The following ESR1 variants were observed in gnomAD, a reference collection of about 807,000 sequenced individuals.
ESR1 encodes estrogen receptor.
A neutral mutation model predicts 52.7 loss-of-function variants in ESR1; 12 were observed. That is an observed-to-expected ratio of 0.23 (90% CI 0.15 to 0.37). The LOEUF is 0.37. Ranked by LOEUF, ESR1 falls within the 10% of genes least tolerant of loss-of-function variation. The probability of loss-of-function intolerance (pLI) is 1.00; values close to 1 mark genes in which losing one functional copy is unlikely to be tolerated. For missense variants in ESR1, 584 were observed against 779.7 expected, an observed-to-expected ratio of 0.75 and a Z score of 2.99; for synonymous variants, 305 against 316.8, an observed-to-expected ratio of 0.96 and a Z score of 0.39.
chr6:152,094,866 G>C lies in ESR1; in HGVS notation c.1553+298G>C, dbSNP rs1444202635. Among the ~76,000 whole-genome samples, 1 of 152,102 alleles carries C rather than the reference G, an allele frequency of 6.6e-6. No homozygotes were observed. Among genetic ancestry groups the C allele is most frequent in the Admixed American group, 6.5e-5 (1 of 15,274 alleles). On this transcript the variant is annotated intron_variant, in intron 7 of 7. Transcript: ENST00000206249. This position sits in a 1 kb window ranked among gnomAD's most constrained non-coding sequence, Gnocchi z 4.6. ...GGTGCAGTGTGCAAATAGGAGGAGG[G>C]GGCCAATCAAGAGAAGTCAGTGAAT... is the stretch of plus-strand genomic sequence containing the variant.
chr6:151,889,142 C>T (rs560633371), intron 3 of ESR1, among the ~76,000 whole-genome samples: 10 of 151,940 alleles, frequency 6.6e-5, no homozygotes, highest in Non-Finnish European at 1.3e-4. Context: ...CTTGTAATAC[C>T]CTTGTCTGGC....
exon 7 of ESR1, chr6:152,125,343 G>A: frequency 6.5e-7 from 1 of 1,550,222 alleles, no homozygotes; most frequent in Non-Finnish European, 8.7e-7. Flanking sequence ...GTTTCCTCGT[G>A]TCTAAAGCCT....
At chr6:151,663,911 T>A (rs1283930903) in intron 1 of ESR1, among the ~76,000 whole-genome samples, 1 of 152,224 alleles carries the variant, frequency 6.6e-6, no homozygotes, top group Non-Finnish European at 1.5e-5. Context: ...CATTTTCCTA[T>A]TGAAGTGCTA....
chr6:151,686,510 C>T (rs1407413309), upstream of ESR1, among the ~76,000 whole-genome samples: 2 of 152,132 alleles, frequency 1.3e-5, no homozygotes, highest in South Asian at 2.1e-4. Context: ...ATGGTGAAAC[C>T]CCGTCTCTAC....
chr6:151,928,979 G>T (rs769294162), intron 3 of ESR1, among the ~76,000 whole-genome samples: 9 of 151,998 alleles, frequency 5.9e-5, no homozygotes, highest in Non-Finnish European at 1.0e-4. Context: ...CCCAGAATGT[G>T]GTCTATCTTG....
upstream of ESR1, among the ~76,000 whole-genome samples, chr6:151,686,897 C>T (rs570911410): frequency 8.5e-5 from 13 of 152,180 alleles, no homozygotes; most frequent in African/African-American, 2.2e-4. Flanking sequence ...GCCAACCATG[C>T]GGCTATAGCC....
At chr6:152,122,032 C>T (rs2051504922) in intron 6 of ESR1, 1 of 277,818 alleles carries the variant, frequency 3.6e-6, no homozygotes, top group Non-Finnish European at 7.0e-6. Context: ...ACGACACTGA[C>T]ATGGTGCTTG....
At position 152,031,951 on chromosome 6, in the gene ESR1, T is replaced by C. The variant is rs556640018; in HGVS notation, c.1235+20157T>C. On this transcript the variant is annotated intron_variant, in intron 5 of 7. Transcript: ENST00000206249. ...AAAAAGCTTATCCACCATGGTCAAG[T>C]GGGCTTCATCCCTGGGATGCAAGGC... 4.1e-3 allele frequency among the ~76,000 whole-genome samples: 618 copies of C among 152,286 alleles called. 2 individuals carry two copies. The highest frequency in any genetic ancestry group is 5.8e-3 in the Non-Finnish European group (396 of 68,026).
intron 3 of ESR1, among the ~76,000 whole-genome samples, chr6:151,888,666 T>G (rs1420673677): frequency 6.6e-6 from 1 of 152,196 alleles, no homozygotes; most frequent in Non-Finnish European, 1.5e-5. Context: ...TTTATTTTTT[T>G]TCTTGCATAA....
At chr6:151,666,048 T>A (rs1777810909) in intron 1 of ESR1, among the ~76,000 whole-genome samples, 1 of 152,240 alleles carries the variant, frequency 6.6e-6, no homozygotes, top group Non-Finnish European at 1.5e-5. Flanking sequence ...CAGAAGAAAT[T>A]GGCTAATTTC....
chr6:152,042,327 C>T (rs1485685580), intron 5 of ESR1, among the ~76,000 whole-genome samples: 1 of 152,154 alleles, frequency 6.6e-6, no homozygotes, highest in East Asian at 1.9e-4. Flanking sequence ...GTAAGTTGGA[C>T]CTGAGCTAAA....
chr6:151,851,658 G>T (rs996051577), intron 2 of ESR1, among the ~76,000 whole-genome samples: 15 of 151,818 alleles, frequency 9.9e-5, no homozygotes, highest in Non-Finnish European at 1.8e-4. Context: ...CTCCCGAGTA[G>T]CTAGGATTAC....
intron 5 of ESR1, among the ~76,000 whole-genome samples, chr6:152,043,014 C>T (rs2045934747): frequency 1.3e-5 from 2 of 152,156 alleles, no homozygotes; most frequent in Non-Finnish European, 2.9e-5. Flanking sequence ...TCACAGAGCT[C>T]TTCAAGGATG....
In ESR1 at chr6:151,997,534, A is replaced by G. The variant is rs182627717; in HGVS notation, c.1097-14122A>G. On this transcript the variant is annotated intron_variant, in intron 4 of 7. Coordinates refer to ENST00000206249, the MANE Select transcript of ESR1 (RefSeq NM_000125.4). ...ATAGCTGTAGGTACTTCAAATGGAC[A>G]AGTATAACACATTATGACTGCTAAT... Among the ~76,000 whole-genome samples the G allele has an allele frequency of 4.6e-5, 7 of 152,292 alleles. No individual in the cohort carries two copies. The East Asian group carries it at 7.7e-4, about 17-fold the overall frequency.
chr6:151,916,242 A>G (rs1442808660), intron 3 of ESR1, among the ~76,000 whole-genome samples: 1 of 152,206 alleles, frequency 6.6e-6, no homozygotes, highest in Non-Finnish European at 1.5e-5. Context: ...AAATATAGTC[A>G]GAGAAAAGGA....
At chr6:152,039,141 TTC>T (rs1324647338) in intron 5 of ESR1, among the ~76,000 whole-genome samples, 1 of 152,168 alleles carries the variant, frequency 6.6e-6, no homozygotes, top group Non-Finnish European at 1.5e-5. Flanking sequence ...CTACAACCCA[TTC>T]TGTTTTCCCT....
At chr6:151,765,736 G>A (rs1785001326) in intron 2 of ESR1, among the ~76,000 whole-genome samples, 1 of 152,110 alleles carries the variant, frequency 6.6e-6, no homozygotes, top group African/African-American at 2.4e-5. Flanking sequence ...AAATTCTTTG[G>A]TAACATAGGT....
chr6:151,808,381 C>A lies in ESR1; in HGVS notation c.452+17C>A. ...ATTCTACAGGTACCCGCGCCCGCGC[C>A]GCCCGTCGGGGTGGCCGCCGCGCCC... is the stretch of plus-strand genomic sequence containing the variant. On this transcript the variant is annotated intron_variant, in intron 1 of 7. Transcript: ENST00000206249. 7.1e-7 allele frequency: 1 copy of A among 1,401,666 alleles called. No individual in the cohort carries two copies. Among genetic ancestry groups the A allele is most frequent in the Non-Finnish European group, 9.2e-7 (1 of 1,089,490 alleles). 86.8% of individuals were successfully genotyped at this position (1,401,666 alleles called of 1,614,324 possible). A position where few individuals can be genotyped will look rare whatever the true frequency, so the allele number is the denominator to read the frequency against.
intron 3 of ESR1, among the ~76,000 whole-genome samples, chr6:151,883,018 C>A (rs371856113): frequency 4.6e-5 from 7 of 152,200 alleles, no homozygotes; most frequent in Admixed American, 2.0e-4. Context: ...AATGAAATAC[C>A]ACAGGCTGGG....
Sources: gnomAD v4.1 joint callset for allele counts (sites outside exome capture counted in the v4.1 genomes callset) on GRCh38, gnomAD v4.1.1 for gene constraint, Gnocchi (gnomAD v3.1) non-coding constraint, MANE v1.5 for transcripts, NCBI Gene and HGNC (gene_info 2026-07-23, HGNC 2026-07-21) for gene names.